Variants in HYDIN observed in about 807,000 individuals in gnomAD.
The protein encoded by HYDIN is HYDIN axonemal central pair apparatus protein.
In HYDIN, 132 loss-of-function variants were observed where a neutral mutation model predicts 403.9. The ratio of observed to expected loss-of-function variants is 0.33; its 90% confidence interval spans 0.28 to 0.38. The LOEUF is 0.38. Ranked by LOEUF, HYDIN falls within the 10% of genes least tolerant of loss-of-function variation. HYDIN has a pLI of 1.00. For missense variants in HYDIN, 2,827 were observed against 5,009.5 expected, an observed-to-expected ratio of 0.56 and a Z score of 13.15; for synonymous variants, 1,202 against 1,891.7, an observed-to-expected ratio of 0.64 and a Z score of 9.46.
At chr16:70,898,058 A>G (rs1283087599) in intron 53 of HYDIN, among the ~76,000 whole-genome samples, 1 of 151,770 alleles carries the variant, frequency 6.6e-6, no homozygotes, top group Non-Finnish European at 1.5e-5. Context: ...GGTCCTAGCT[A>G]CTCAGGAGGC....
intron 21 of HYDIN, among the ~76,000 whole-genome samples, chr16:71,022,822 G>A (rs375365533): frequency 6.7e-6 from 1 of 149,278 alleles, no homozygotes; most frequent in Non-Finnish European, 1.5e-5. Context: ...AGAAGTTACC[G>A]CCATATTCCA....
At chr16:71,218,466 G>T (rs2089007898) in intron 1 of HYDIN, among the ~76,000 whole-genome samples, 1 of 152,162 alleles carries the variant, frequency 6.6e-6, no homozygotes, top group Admixed American at 6.5e-5. Context: ...TGTATACTGG[G>T]GAGGAGGAAA....
chr16:71,178,516 A>G (rs950438292), intron 4 of HYDIN, among the ~76,000 whole-genome samples: 2 of 150,254 alleles, frequency 1.3e-5, no homozygotes, highest in African/African-American at 4.9e-5. Context: ...TATATGCTCA[A>G]CAATTGCAAT....
chr16:71,136,721 C>T (rs1356746949), intron 8 of HYDIN, among the ~76,000 whole-genome samples: 5 of 145,332 alleles, frequency 3.4e-5, no homozygotes, highest in African/African-American at 7.6e-5. Flanking sequence ...GAGCTGAGAT[C>T]GCGCCACTGC....
intron 50 of HYDIN, among the ~76,000 whole-genome samples, chr16:70,905,750 C>T (rs1253382601): frequency 6.6e-6 from 1 of 151,892 alleles, no homozygotes; most frequent in African/African-American, 2.4e-5. Context: ...AGTGTCATCT[C>T]GCCCAACATC....
At chr16:71,220,987 C>T (rs1165699215) in intron 1 of HYDIN, among the ~76,000 whole-genome samples, 4 of 152,000 alleles carry the variant, frequency 2.6e-5, no homozygotes, top group Non-Finnish European at 4.4e-5. Flanking sequence ...AAAACAGGGA[C>T]CAAGAAAGGT....
chr16:70,887,352 G>A (rs1422187519), intron 58 of HYDIN, among the ~76,000 whole-genome samples: 2 of 151,928 alleles, frequency 1.3e-5, no homozygotes, highest in Non-Finnish European at 2.9e-5. Flanking sequence ...GTTAGAAGGA[G>A]ATATGACTAT....
At chr16:71,008,144 G>T (rs373327021) in intron 23 of HYDIN, among the ~76,000 whole-genome samples, 2 of 149,320 alleles carry the variant, frequency 1.3e-5, no homozygotes, top group African/African-American at 5.0e-5. Flanking sequence ...ACTAGAGGGG[G>T]TAATAAGGGA....
intron 36 of HYDIN, among the ~76,000 whole-genome samples, chr16:70,966,040 C>G (rs1439659510): frequency 1.3e-5 from 2 of 152,218 alleles, no homozygotes; most frequent in East Asian, 3.9e-4. Flanking sequence ...CAAAGCCTGG[C>G]TGATACAGGG....
chr16:70,950,001 C>G (rs1386725902), intron 41 of HYDIN, among the ~76,000 whole-genome samples: 8 of 151,176 alleles, frequency 5.3e-5, no homozygotes. Flanking sequence ...ATACTGGATC[C>G]TGGAAAAGAG....
intron 45 of HYDIN, among the ~76,000 whole-genome samples, chr16:70,926,914 A>G (rs1629680): frequency 6.6e-6 from 1 of 151,384 alleles, no homozygotes; most frequent in African/African-American, 2.4e-5. Flanking sequence ...GAACTAGACC[A>G]TATGTCAGAA....
chr16:71,154,294 TA>T (rs2085666340), intron 6 of HYDIN, among the ~76,000 whole-genome samples: 1 of 150,680 alleles, frequency 6.6e-6, no homozygotes, highest in Non-Finnish European at 1.5e-5. Context: ...GGGTACACAG[TA>T]GGTATATATA....
intron 75 of HYDIN, among the ~76,000 whole-genome samples, chr16:70,847,665 G>C (rs1183442023): frequency 3.3e-5 from 5 of 151,216 alleles, no homozygotes; most frequent in Admixed American, 6.6e-5. Context: ...CTGTCTTCAG[G>C]CCTCCGAAGT....
chr16:71,207,057 A>C (rs2088336702), intron 1 of HYDIN, among the ~76,000 whole-genome samples: 1 of 152,164 alleles, frequency 6.6e-6, no homozygotes, highest in African/African-American at 2.4e-5. Flanking sequence ...CCAACATTCA[A>C]ATTCAGAAAA....
intron 76 of HYDIN, among the ~76,000 whole-genome samples, chr16:70,839,588 C>A (rs2037673578): frequency 6.6e-6 from 1 of 151,280 alleles, no homozygotes; most frequent in Admixed American, 6.6e-5. Context: ...TTTGGGCCAG[C>A]CCTTGGAGAT....
chr16:70,978,492 C>A (rs2078951675), intron 30 of HYDIN, among the ~76,000 whole-genome samples: 1 of 151,654 alleles, frequency 6.6e-6, no homozygotes, highest in Admixed American at 6.6e-5. Flanking sequence ...CTGCACCTGG[C>A]CCTCCGTCAG....
At position 71,205,447 on chromosome 16, in the gene HYDIN, C is replaced by T. The variant is rs544985363; in HGVS notation, c.-23-18529G>A. 2.0e-5 allele frequency among the ~76,000 whole-genome samples: 3 copies of T among 152,312 alleles called. No individual in the cohort carries two copies. The South Asian group carries it at 6.2e-4, about 32-fold the overall frequency. On this transcript the variant is annotated intron_variant, in intron 1 of 85. Coordinates refer to ENST00000393567, the MANE Select transcript of HYDIN (RefSeq NM_001270974.2). ...ATCATCCTGTCCCCCTGAAACCCAT[C>T]CCCAACACTTATAGAATGAGGCAGA...
At chr16:70,871,447 C>G (rs2040093617) in intron 65 of HYDIN, among the ~76,000 whole-genome samples, 1 of 152,020 alleles carries the variant, frequency 6.6e-6, no homozygotes, top group Non-Finnish European at 1.5e-5. Flanking sequence ...CAACGATCTT[C>G]TAGAACGTTA....
At chr16:71,110,448 A>AAT (rs1555645303) in intron 10 of HYDIN, among the ~76,000 whole-genome samples, 1 of 142,034 alleles carries the variant, frequency 7.0e-6, no homozygotes, top group Non-Finnish European at 1.5e-5. Flanking sequence ...TAAATAATAT[A>AAT]ATATATAAAT....
Sources: allele counts gnomAD v4.1 joint callset (sites outside exome capture counted in the v4.1 genomes callset), GRCh38; gene constraint gnomAD v4.1.1; transcripts MANE v1.5; gene names NCBI Gene and HGNC (gene_info 2026-07-23, HGNC 2026-07-21).